Variants in RGS7 observed in about 807,000 individuals in gnomAD.
RGS7 encodes the protein regulator of G-protein signaling 7.
A neutral mutation model predicts 81.1 loss-of-function variants in RGS7; 27 were observed. That is an observed-to-expected ratio of 0.33 (90% CI 0.25 to 0.46). The LOEUF is 0.46. Ranked by LOEUF, RGS7 falls within the 20% of genes least tolerant of loss-of-function variation. RGS7 has a pLI of 1.00. For missense variants in RGS7, 396 were observed against 607.4 expected (o/e 0.65, Z 3.66); for synonymous variants, 208 against 207.7 (o/e 1.00, Z -0.01).
intron 2 of RGS7, among the ~76,000 whole-genome samples, chr1:241,258,534 C>T (rs2077154461): frequency 6.6e-6 from 1 of 152,128 alleles, no homozygotes. Context: ...TTTAAAGGAA[C>T]AGAATTAAGT....
intron 4 of RGS7, among the ~76,000 whole-genome samples, chr1:240,967,080 T>C (rs1009009308): frequency 6.6e-6 from 1 of 152,182 alleles, no homozygotes; most frequent in Non-Finnish European, 1.5e-5. Context: ...GATGTGTCAG[T>C]GTGGGACAGC....
chr1:240,983,527 C>T (rs949437703), intron 3 of RGS7, among the ~76,000 whole-genome samples: 9 of 152,164 alleles, frequency 5.9e-5, no homozygotes, highest in African/African-American at 2.2e-4. Context: ...ATCCTTGTAT[C>T]CCCTCTCAAG....
chr1:240,921,043 G>T (rs537253636), intron 6 of RGS7, among the ~76,000 whole-genome samples: 219 of 152,042 alleles, frequency 1.4e-3, no homozygotes, highest in African/African-American at 5.0e-3. Context: ...TCAGGGTGAT[G>T]CCAGGTTCTA....
chr1:241,055,619 C>T (rs1258654116), intron 3 of RGS7, among the ~76,000 whole-genome samples: 4 of 152,136 alleles, frequency 2.6e-5, no homozygotes, highest in Admixed American at 1.3e-4. Flanking sequence ...ATGGAGCTTC[C>T]GTGGCCTCCC....
intron 2 of RGS7, among the ~76,000 whole-genome samples, chr1:241,113,071 T>G (rs1005837838): frequency 6.6e-6 from 1 of 152,128 alleles, no homozygotes; most frequent in Non-Finnish European, 1.5e-5. Flanking sequence ...TCATACAAAA[T>G]CCCAAGGCAA....
rs1572768268 is a variant in RGS7, at chr1:240,920,537, T to C, written c.385+10180A>G. The C allele has an allele frequency of 3.5e-6, 3 of 851,168 alleles. No homozygotes were observed. The East Asian group carries it at 7.2e-5, about 21-fold the overall frequency. 52.7% of individuals were successfully genotyped at this position (851,168 alleles called of 1,614,324 possible). On this transcript the variant is annotated intron_variant, in intron 6 of 18. Transcript: ENST00000440928. ...TCTATGGTGATGGAGGCCAATACTT[T>C]GTCAAACCATGAAACTAAGGTGGCT...
chr1:240,974,381 G>A (rs1006604289), intron 4 of RGS7, among the ~76,000 whole-genome samples: 2 of 151,972 alleles, frequency 1.3e-5, no homozygotes, highest in Non-Finnish European at 1.5e-5. Flanking sequence ...TTCTGTTCAC[G>A]TTCTCACATC....
intron 2 of RGS7, among the ~76,000 whole-genome samples, chr1:241,309,476 C>T (rs1280078257): frequency 6.6e-6 from 1 of 151,788 alleles, no homozygotes; most frequent in Non-Finnish European, 1.5e-5. Context: ...CACCCAATTG[C>T]CCTGGCCATA....
At chr1:240,924,027 A>T (rs1008839738) in intron 6 of RGS7, among the ~76,000 whole-genome samples, 37 of 152,200 alleles carry the variant, frequency 2.4e-4, no homozygotes, top group Non-Finnish European at 3.7e-4. Flanking sequence ...CATGTATTTG[A>T]TCTCTTTAGT....
chr1:240,907,488 A>T (rs1671014399), intron 6 of RGS7, among the ~76,000 whole-genome samples: 1 of 151,882 alleles, frequency 6.6e-6, no homozygotes, highest in Non-Finnish European at 1.5e-5. Context: ...TTGCTCAAGG[A>T]AAAGATGAAG....
At chr1:241,221,120 GGAAAGAAA>G (rs370749535) in intron 2 of RGS7, among the ~76,000 whole-genome samples, 2 of 136,640 alleles carry the variant, frequency 1.5e-5, no homozygotes, top group East Asian at 2.2e-4. Flanking sequence ...AGGAAGGGAG[GGAAAGAAA>G]GAAAGAAAGA....
chr1:240,807,985 A>G (rs1178316578), intron 14 of RGS7, among the ~76,000 whole-genome samples: 1 of 150,436 alleles, frequency 6.6e-6, no homozygotes, highest in Non-Finnish European at 1.5e-5. Context: ...CAGTGAGCAG[A>G]GATCATGCCA....
chr1:240,793,611 A>T (rs200702828), intron 18 of RGS7, among the ~76,000 whole-genome samples: 51,885 of 79,664 alleles, frequency 0.65, 18,128 homozygotes, highest in Non-Finnish European at 0.73. Flanking sequence ...ATATATATAT[A>T]TTTTTTTTTT....
chr1:241,255,120 C>G (rs1314117170), intron 2 of RGS7, among the ~76,000 whole-genome samples: 1 of 152,124 alleles, frequency 6.6e-6, no homozygotes, highest in African/African-American at 2.4e-5. Flanking sequence ...ATTCTCTGAT[C>G]CTGATTATGT....
intron 2 of RGS7, among the ~76,000 whole-genome samples, chr1:241,283,098 G>A (rs1250801226): frequency 6.6e-6 from 1 of 152,090 alleles, no homozygotes; most frequent in Admixed American, 6.5e-5. Flanking sequence ...ATAAAAAGCT[G>A]TCTTAAATAT....
At chr1:240,829,141 A>C (rs1693367278) in intron 9 of RGS7, among the ~76,000 whole-genome samples, 1 of 152,176 alleles carries the variant, frequency 6.6e-6, no homozygotes, top group African/African-American at 2.4e-5. Flanking sequence ...AATGAGGAAA[A>C]CATTTTTTTT....
Position 240,940,058 on chromosome 1 carries a change from C to T in RGS7, c.227-3352G>A, listed in dbSNP as rs550854384. 1.4e-4 allele frequency among the ~76,000 whole-genome samples: 21 copies of T among 151,934 alleles called. 1 individual carries two copies. The South Asian group carries it at 1.7e-3, about 12-fold the overall frequency. On this transcript the variant is annotated intron_variant, in intron 4 of 18. Transcript: ENST00000440928. The stretch of plus-strand genomic sequence containing the variant: ...TCACGCCACTGCACTCCAGCCTGGG[C>T]GACAGAACAACACTCTATCTCAAAA...
intron 2 of RGS7, among the ~76,000 whole-genome samples, chr1:241,222,472 T>A (rs1256408956): frequency 1.1e-4 from 17 of 152,160 alleles, no homozygotes; most frequent in Admixed American, 1.1e-3. Flanking sequence ...GAGTTAAAAG[T>A]TCATGGATAA....
intron 4 of RGS7, among the ~76,000 whole-genome samples, chr1:240,965,432 G>A (rs995803951): frequency 1.3e-5 from 2 of 152,216 alleles, no homozygotes; most frequent in Non-Finnish European, 2.9e-5. Context: ...TCCAGGTACA[G>A]AAGTGTCCCC....
Sources: gnomAD v4.1 joint callset for allele counts (sites outside exome capture counted in the v4.1 genomes callset) on GRCh38, gnomAD v4.1.1 for gene constraint, MANE v1.5 for transcripts, NCBI Gene and HGNC (gene_info 2026-07-23, HGNC 2026-07-21) for gene names.